Variants in FAM13A observed in about 807,000 individuals in gnomAD.
The protein encoded by FAM13A is family with sequence similarity 13 member A, also known as protein FAM13A.
Under a neutral mutation model 129.6 loss-of-function variants are expected in FAM13A, and 76 were observed. The ratio of observed to expected loss-of-function variants is 0.59; its 90% CI spans 0.49 to 0.71. The LOEUF (loss-of-function observed/expected upper bound fraction) is 0.71, where lower values mean the gene tolerates loss of function less well. Ranked by LOEUF, FAM13A falls within the 30% of genes least tolerant of loss-of-function variation. The pLI is 0.00. For missense variants in FAM13A, 1,108 were observed against 1,249.3 expected (o/e 0.89, Z 1.70); for synonymous variants, 443 against 449.9 (o/e 0.98, Z 0.20).
At chr4:89,039,172 A>T (rs569202216) in intron 1 of FAM13A, among the ~76,000 whole-genome samples, 1 of 152,322 alleles carries the variant, frequency 6.6e-6, no homozygotes, top group South Asian at 2.1e-4. Context: ...TGTGAAAAAA[A>T]GAAACAAATC....
chr4:88,733,805 CAG>C (rs1738397580), intron 21 of FAM13A, among the ~76,000 whole-genome samples: 1 of 152,164 alleles, frequency 6.6e-6, no homozygotes, highest in African/African-American at 2.4e-5. Context: ...AAACACCTAA[CAG>C]AGTTAGGGAC....
At chr4:88,871,963 A>C (rs1300390661) in intron 6 of FAM13A, among the ~76,000 whole-genome samples, 2 of 152,254 alleles carry the variant, frequency 1.3e-5, no homozygotes, top group African/African-American at 2.4e-5. Context: ...GAAACTCTAC[A>C]AGCCAGAAGA....
intron 14 of FAM13A, among the ~76,000 whole-genome samples, chr4:88,757,099 A>G (rs1335933805): frequency 2.6e-5 from 1 of 38,250 alleles, no homozygotes; most frequent in East Asian, 5.9e-4. Flanking sequence ...GGTTCCTTCA[A>G]TTATTATCTG....
intron 7 of FAM13A, among the ~76,000 whole-genome samples, chr4:88,829,648 G>A (rs1386927908): frequency 1.3e-5 from 2 of 152,190 alleles, no homozygotes; most frequent in Non-Finnish European, 2.9e-5. Context: ...AGCAAACTGT[G>A]TTAAAACACT....
In FAM13A at chr4:89,038,420, A is replaced by G. The variant is rs547180729; in HGVS notation, c.28-8771T>C. 5.3e-5 allele frequency among the ~76,000 whole-genome samples: 8 copies of G among 152,278 alleles called. No individual in the cohort carries two copies. In the East Asian group the frequency reaches 5.8e-4, roughly 11 times the overall value. ...ATCACCAAATAAAAGTAGTGCAAGG[A>G]AAGTGCAAGGTGATCCTGAGACATC... On this transcript the variant is annotated intron_variant, in intron 1 of 23. Transcript: ENST00000264344.
intron 7 of FAM13A, among the ~76,000 whole-genome samples, chr4:88,822,817 T>C (rs1732272400): frequency 6.6e-6 from 1 of 152,222 alleles, no homozygotes. Flanking sequence ...AGCAGTATAA[T>C]ATTTAATTTT....
chr4:89,003,710 C>T (rs1018580677), intron 3 of FAM13A, among the ~76,000 whole-genome samples: 3 of 151,270 alleles, frequency 2.0e-5, no homozygotes, highest in Non-Finnish European at 4.4e-5. Flanking sequence ...CACCATATAC[C>T]CTCTTACGTA....
At chr4:88,748,518 T>G (rs1741865792) in intron 17 of FAM13A, among the ~76,000 whole-genome samples, 1 of 152,192 alleles carries the variant, frequency 6.6e-6, no homozygotes, top group South Asian at 2.1e-4. Context: ...ATTCTGAAAT[T>G]AGGTTCACTT....
chr4:88,766,102 C>G (rs148302106), intron 13 of FAM13A, among the ~76,000 whole-genome samples: 118 of 152,250 alleles, frequency 7.8e-4, no homozygotes, highest in Admixed American at 1.4e-3. Context: ...CTTTTATTCC[C>G]TTTTATCTCA....
At chr4:88,803,658 G>A (rs1319298353) in intron 8 of FAM13A, among the ~76,000 whole-genome samples, 2 of 152,168 alleles carry the variant, frequency 1.3e-5, no homozygotes, top group East Asian at 3.9e-4. Flanking sequence ...CTATGAACCA[G>A]AGTATGCTGA....
intron 4 of FAM13A, among the ~76,000 whole-genome samples, chr4:88,945,990 G>GTGTGTGTGTATGTATATATATA: frequency 1.5e-4 from 9 of 61,962 alleles, no homozygotes; most frequent in Non-Finnish European, 2.0e-4. Context: ...GTGTGTGTGT[G>GTGTGTGTGTATGTATATATATA]TATATATATA....
At chr4:88,852,701 G>C (rs1737811642) in intron 6 of FAM13A, among the ~76,000 whole-genome samples, 1 of 151,974 alleles carries the variant, frequency 6.6e-6, no homozygotes, top group Non-Finnish European at 1.5e-5. Context: ...GTCTAGCAAA[G>C]TTTTGGATCT....
intron 4 of FAM13A, among the ~76,000 whole-genome samples, chr4:88,988,861 G>T (rs1239210729): frequency 6.6e-6 from 1 of 152,110 alleles, no homozygotes; most frequent in East Asian, 1.9e-4. Flanking sequence ...AGAAGATGTA[G>T]CAACAGACAG....
intron 3 of FAM13A, among the ~76,000 whole-genome samples, chr4:88,991,774 A>G (rs1762951060): frequency 6.6e-6 from 1 of 152,188 alleles, no homozygotes; most frequent in African/African-American, 2.4e-5. Context: ...TAATCTTGAC[A>G]AAGATTATCT....
At chr4:88,794,932 A>G (rs1725873529) in intron 8 of FAM13A, among the ~76,000 whole-genome samples, 1 of 151,858 alleles carries the variant, frequency 6.6e-6, no homozygotes, top group South Asian at 2.1e-4. Context: ...AACAATGCAC[A>G]TATTTGTTAT....
chr4:88,857,067 C>G (rs1738650138), intron 6 of FAM13A, among the ~76,000 whole-genome samples: 1 of 152,144 alleles, frequency 6.6e-6, no homozygotes, highest in African/African-American at 2.4e-5. Context: ...AGCCACAGTG[C>G]TAGCTAATTA....
chr4:88,980,257 C>A (rs937614472), intron 4 of FAM13A, among the ~76,000 whole-genome samples: 2 of 152,090 alleles, frequency 1.3e-5, no homozygotes. Flanking sequence ...TATAAACTGA[C>A]GTGTGACCAG....
Position 89,020,555 on chromosome 4 carries a change from C to A in FAM13A, c.332G>T (p.Cys111Phe). 1 of 1,614,070 alleles carries A rather than the reference C, an allele frequency of 6.2e-7. No individual in the cohort carries two copies. Among genetic ancestry groups the A allele is most frequent in the Non-Finnish European group, 8.5e-7 (1 of 1,179,976 alleles). The change falls in exon 3 of 24, where the codon TGC (cysteine) becomes TTC (phenylalanine). Residue 111 changes from cysteine to phenylalanine, a missense_variant. Cys to Phe is a radical substitution (Grantham distance 205). This residue lies in a region of FAM13A where 566 missense variants were observed against 595.7 expected (regional missense o/e 0.95). Transcript: ENST00000264344. Reference protein sequence around the residue: ...PVELGKDGDVCSAASLLKLFL... With the variant: ...PVELGKDGDVFSAASLLKLFL... ...CAGCTTCAACAGACTGGCTGCTGAG[C>A]AGACATCACCGTCCTTCCCGAGCTC...
chr4:88,934,270 T>G (rs1753509455), intron 5 of FAM13A, among the ~76,000 whole-genome samples: 1 of 152,202 alleles, frequency 6.6e-6, no homozygotes, highest in African/African-American at 2.4e-5. Flanking sequence ...ATATTTTCTT[T>G]TCTTTTTTAT....
Sources: gnomAD v4.1 joint callset for allele counts (sites outside exome capture counted in the v4.1 genomes callset) on GRCh38, gnomAD v4.1.1 for gene constraint, gnomAD v4.1.1 regional missense constraint, MANE v1.5 for transcripts, NCBI Gene and HGNC (gene_info 2026-07-23, HGNC 2026-07-21) for gene names.